The following GRIA3 variants were observed in gnomAD, a reference collection of about 807,000 sequenced individuals.
GRIA3 encodes glutamate ionotropic receptor AMPA type subunit 3.
In GRIA3, 3 loss-of-function variants were observed where a neutral mutation model predicts 63.0. The observed-to-expected ratio is 0.05, with a 90% CI of 0.02 to 0.12. GRIA3 has a LOEUF of 0.12. GRIA3 is among the 10% of genes least tolerant of loss of function. The pLI is 1.00. For synonymous variants in GRIA3, 274 were observed against 257.9 expected (o/e 1.06, Z -0.60); for missense variants, 347 against 700.9 (o/e 0.50, Z 5.70).
At chrX:123,299,628 G>A (rs1216576868) in intron 3 of GRIA3, among the ~76,000 whole-genome samples, 3 of 111,348 alleles carry the variant, frequency 2.7e-5, no homozygotes, top group African/African-American at 9.8e-5. Flanking sequence ...AAGCTTTGGG[G>A]CTGAGACTAT....
chrX:123,441,985 C>T (rs2045676658), intron 12 of GRIA3, among the ~76,000 whole-genome samples: 1 of 112,467 alleles, frequency 8.9e-6, no homozygotes, highest in Admixed American at 9.4e-5. Context: ...ACTGTACAAA[C>T]AGGAAGGTTG....
intron 2 of GRIA3, among the ~76,000 whole-genome samples, chrX:123,246,501 C>T (rs1446773496): frequency 9.0e-6 from 1 of 111,689 alleles, no homozygotes; most frequent in Non-Finnish European, 1.9e-5. Context: ...CAAGTCTTTC[C>T]CATGTCACAT....
chrX:123,427,560 G>GA (rs2045596434), intron 11 of GRIA3, among the ~76,000 whole-genome samples: 1 of 111,401 alleles, frequency 9.0e-6, no homozygotes, highest in Non-Finnish European at 1.9e-5. Context: ...TAATTAAAAG[G>GA]AAAAATCCTG....
intron 2 of GRIA3, among the ~76,000 whole-genome samples, chrX:123,208,054 T>C (rs921066670): frequency 1.8e-5 from 2 of 112,183 alleles, no homozygotes; most frequent in African/African-American, 6.5e-5. Context: ...TAGAAGATGA[T>C]TATCTCTAAT....
chrX:123,486,536 C>A (rs2147450085), intron 15 of GRIA3, among the ~76,000 whole-genome samples: 1 of 112,194 alleles, frequency 8.9e-6, no homozygotes, highest in African/African-American at 3.2e-5. Context: ...AGACAAGAAG[C>A]AAAAGCCTCA....
intron 2 of GRIA3, chrX:123,202,694 A>G: frequency 1.7e-6 from 2 of 1,166,430 alleles, no homozygotes; most frequent in Non-Finnish European, 2.3e-6. Context: ...ACAATTGGAC[A>G]GCTCTGCCGT....
chrX:123,295,561 A>T (rs2044680638), intron 3 of GRIA3, among the ~76,000 whole-genome samples: 1 of 111,093 alleles, frequency 9.0e-6, no homozygotes, highest in Non-Finnish European at 1.9e-5. Context: ...TAAATAGCAC[A>T]TTCGGAAGTG....
At chrX:123,466,644 C>T (rs945629393) in intron 13 of GRIA3, among the ~76,000 whole-genome samples, 23 of 111,936 alleles carry the variant, frequency 2.1e-4, no homozygotes, top group East Asian at 2.0e-3. Flanking sequence ...TCAGAAGCCG[C>T]GATACAAAGT....
At chrX:123,257,922 G>A (rs2044428912) in intron 3 of GRIA3, among the ~76,000 whole-genome samples, 1 of 112,223 alleles carries the variant, frequency 8.9e-6, no homozygotes, top group African/African-American at 3.2e-5. Context: ...TCTGTCTGCA[G>A]ACGAAAGTCT....
rs138766678 is a variant in GRIA3, at chrX:123,467,265, C to T, written c.2324+2153C>T. On this transcript the variant is annotated intron_variant, in intron 13 of 15. Coordinates refer to ENST00000620443, the MANE Select transcript of GRIA3 (RefSeq NM_007325.5). The stretch of plus-strand genomic sequence containing the variant: ...CTCTCCATCTGGATTGACCCTCAAA[C>T]GTTAGAGGCTGCTTCCCTGAGGCGA... Among the ~76,000 whole-genome samples the T allele has an allele frequency of 6.6e-3, 741 of 112,350 alleles. 11 individuals are homozygous for T. The highest frequency in any genetic ancestry group is 0.022 in the African/African-American group (676 of 30,992).
Position 123,489,865 on chromosome X carries a change from G to A in GRIA3, c.*1155G>A, listed in dbSNP as rs1170445142. The A allele has an allele frequency of 3.6e-5, 4 of 111,751 alleles. No individual in the cohort carries two copies. Among genetic ancestry groups the A allele is most frequent in the African/African-American group, 1.3e-4 (4 of 30,589 alleles). The allele number at this position is 111,751 out of a possible 1,213,427, so 9.2% of individuals were successfully genotyped here. ...CTGCTACCGCCCATGGCTCTCCATC[G>A]GACTGCATGTGTCCTTTTCTAGTTT... On this transcript the variant is annotated 3_prime_UTR_variant, in exon 16 of 16. Coordinates refer to ENST00000620443, the MANE Select transcript of GRIA3 (RefSeq NM_007325.5).
chrX:123,442,475 A>C (rs1473751348), intron 12 of GRIA3, among the ~76,000 whole-genome samples: 2 of 111,996 alleles, frequency 1.8e-5, no homozygotes, highest in African/African-American at 6.5e-5. Flanking sequence ...GATCAATGTA[A>C]GAAGAACATT....
chrX:123,487,212 T>C (rs2045946692), intron 15 of GRIA3, among the ~76,000 whole-genome samples: 1 of 113,123 alleles, frequency 8.8e-6, no homozygotes, highest in African/African-American at 3.2e-5. Context: ...TAGGGTTGAC[T>C]GTGCTAATTG....
chrX:123,308,521 C>T (rs1290744563), intron 3 of GRIA3, among the ~76,000 whole-genome samples: 2 of 111,921 alleles, frequency 1.8e-5, no homozygotes, highest in Non-Finnish European at 3.8e-5. Flanking sequence ...GACATTGTGG[C>T]ACATCAACCT....
rs377612563 is a variant in GRIA3 at position 123,343,802 on chromosome X, C to T, written c.697-11108C>T. Among the ~76,000 whole-genome samples, 202 of 107,872 alleles carry T rather than the reference C, an allele frequency of 1.9e-3. 1 individual carries two copies. Among genetic ancestry groups the T allele is most frequent in the African/African-American group, 6.3e-3 (187 of 29,526 alleles). 93.7% of individuals were successfully genotyped at this position (107,872 alleles called of 115,157 possible). A position where few individuals can be genotyped will look rare whatever the true frequency, so the allele number is the denominator to read the frequency against. ...TTAGAGATAGGGTCTCACTATGTTG[C>T]CCAGGCTGTGAAACATTTACTGAGA... On this transcript the variant is annotated intron_variant, in intron 4 of 15. Transcript: ENST00000620443.
intron 2 of GRIA3, among the ~76,000 whole-genome samples, chrX:123,247,787 A>G (rs900846607): frequency 9.0e-6 from 1 of 111,490 alleles, no homozygotes; most frequent in East Asian, 2.8e-4. Flanking sequence ...GGAAAGTGAT[A>G]TCCTGGGGCT....
At position 123,482,834 on chromosome X, in the gene GRIA3, A is replaced by C; in HGVS notation, c.2475A>C (p.Ala825=). ...GCGCTCTGAGCCTGAGCAATGTGGCAGGCGTTTTCTATATACTTGTCGGAG... is the reference window on the plus strand; with the variant it reads ...GCGCTCTGAGCCTGAGCAATGTGGCCGGCGTTTTCTATATACTTGTCGGAG... ...KTSALSLSNV[A]GVFYILVGGL... is the part of the protein sequence containing the mutation. The change falls in exon 15 of 16, where the codon GCA becomes GCC. Residue 825 remains alanine (A), a synonymous_variant. Coordinates refer to ENST00000620443, the MANE Select transcript of GRIA3 (RefSeq NM_007325.5). 8.3e-7 allele frequency: 1 copy of C among 1,209,612 alleles called. No individual in the cohort carries two copies. The highest frequency in any genetic ancestry group is 1.8e-5 in the South Asian group (1 of 56,938).
At chrX:123,257,248 G>A (rs1199153542) in intron 3 of GRIA3, among the ~76,000 whole-genome samples, 1 of 111,807 alleles carries the variant, frequency 8.9e-6, no homozygotes, top group Non-Finnish European at 1.9e-5. Flanking sequence ...TTTATACTTT[G>A]TGCCTCCCCT....
intron 3 of GRIA3, among the ~76,000 whole-genome samples, chrX:123,279,121 C>T (rs1402016526): frequency 2.7e-5 from 3 of 111,286 alleles, no homozygotes; most frequent in African/African-American, 6.5e-5. Context: ...CACAGAAAGA[C>T]ACACACTGCA....
Sources: gnomAD v4.1 joint callset for allele counts (sites outside exome capture counted in the v4.1 genomes callset) on GRCh38, gnomAD v4.1.1 for gene constraint, MANE v1.5 for transcripts, NCBI Gene and HGNC (gene_info 2026-07-23, HGNC 2026-07-21) for gene names.